ARHGAP32: variants seen among roughly 807,000 people sequenced by gnomAD.
ARHGAP32 encodes Rho GTPase activating protein 32.
In ARHGAP32, 51 loss-of-function variants were observed where a neutral mutation model predicts 186.5. The observed-to-expected ratio is 0.27, with a 90% CI of 0.22 to 0.35. The LOEUF (loss-of-function observed/expected upper bound fraction) is 0.35. ARHGAP32 is among the 10% of genes least tolerant of loss of function. The probability of loss-of-function intolerance (pLI) is 1.00; values close to 1 mark genes in which losing one functional copy is unlikely to be tolerated. For synonymous variants in ARHGAP32, 950 were observed against 964.3 expected (o/e 0.99, Z 0.27); for missense variants, 2,186 against 2,623.5 (o/e 0.83, Z 3.64).
intron 2 of ARHGAP32, among the ~76,000 whole-genome samples, chr11:129,162,711 G>A (rs1385460344): frequency 6.6e-6 from 1 of 152,068 alleles, no homozygotes; most frequent in Non-Finnish European, 1.5e-5. Flanking sequence ...AGTTTTTACT[G>A]CAGACTTGAT....
At chr11:129,206,324 G>A (rs1204662163) in intron 1 of ARHGAP32, among the ~76,000 whole-genome samples, 13 of 152,034 alleles carry the variant, frequency 8.6e-5, no homozygotes, top group Non-Finnish European at 1.6e-4. Flanking sequence ...GGATCCTTCT[G>A]CCTCAGCCTA....
intron 1 of ARHGAP32, among the ~76,000 whole-genome samples, chr11:129,269,753 G>A (rs1945452030): frequency 6.6e-6 from 1 of 152,028 alleles, no homozygotes; most frequent in Non-Finnish European, 1.5e-5. Context: ...TAAGTAAAAG[G>A]AACAGCAAAC....
intron 1 of ARHGAP32, among the ~76,000 whole-genome samples, chr11:129,215,553 T>C (rs2068250122): frequency 6.6e-6 from 1 of 152,152 alleles, no homozygotes; most frequent in Non-Finnish European, 1.5e-5. Flanking sequence ...GGAGAATCTA[T>C]TTCCTTGCCT....
intron 1 of ARHGAP32, among the ~76,000 whole-genome samples, chr11:129,229,855 T>C (rs1944834796): frequency 6.6e-6 from 1 of 152,044 alleles, no homozygotes. Context: ...AGGGTCTCAC[T>C]CACCCAAGCT....
At chr11:129,047,641 A>C (rs1939868615) in intron 10 of ARHGAP32, among the ~76,000 whole-genome samples, 1 of 152,182 alleles carries the variant, frequency 6.6e-6, no homozygotes, top group African/African-American at 2.4e-5. Context: ...CACATCACTA[A>C]GGAGATTTGA....
intron 2 of ARHGAP32, among the ~76,000 whole-genome samples, chr11:129,133,065 C>A (rs1591640768): frequency 1.3e-5 from 2 of 152,144 alleles, no homozygotes; most frequent in South Asian, 2.1e-4. Context: ...AGGAAACTTA[C>A]AATCACAGCG....
chr11:129,210,285 A>C (rs548167214), intron 1 of ARHGAP32, among the ~76,000 whole-genome samples: 13 of 152,352 alleles, frequency 8.5e-5, no homozygotes, highest in Admixed American at 7.8e-4. Flanking sequence ...TTCTGAAGTC[A>C]GCTAGGAAAC....
rs1942623122 is a variant in ARHGAP32 at position 129,124,833 on chromosome 11, G to A, written c.287C>T (p.Thr96Ile). The A allele has an allele frequency of 2.5e-6, 4 of 1,610,720 alleles. No individual in the cohort carries two copies. The East Asian group carries it at 6.7e-5, about 27-fold the overall frequency. ...GDLTLKTCGS[T>I]ASMKVKHVKK... The stretch of plus-strand genomic sequence containing the variant: ...CACATGCTTAACCTTCATACTGGCT[G>A]TACTGCCACACGTCTTAAGAGTAAG... The change falls in exon 3 of 23, where the codon ACA becomes ATA. Residue 96 changes from threonine to isoleucine, a missense_variant. Thr to Ile is a moderately conservative substitution (Grantham distance 89, BLOSUM62 -1). Transcript: ENST00000682385.
chr11:128,974,402 C>T lies in ARHGAP32; in HGVS notation c.2795G>A (p.Arg932Gln), dbSNP rs375669449. The T allele has an allele frequency of 2.5e-6, 4 of 1,614,000 alleles. No individual in the cohort carries two copies. Among genetic ancestry groups the T allele is most frequent in the East Asian group, 2.2e-5 (1 of 44,890 alleles). Reference sequence around the variant, plus strand: ...GACTGTACCAATGACTTCTGACACCCGTGGTGGTAGGGTCACTGAAATTGG... The same window carrying T: ...GACTGTACCAATGACTTCTGACACCTGTGGTGGTAGGGTCACTGAAATTGG... ...SEPISVTLPP[R>Q]VSEVIGTVSN... Residue 932 changes from arginine to glutamine, a missense_variant, in exon 21 of 23, where the codon CGG becomes CAG. Arg to Gln is a conservative substitution (Grantham distance 43). Coordinates refer to ENST00000682385, the MANE Select transcript of ARHGAP32 (RefSeq NM_001378024.1).
intron 11 of ARHGAP32, among the ~76,000 whole-genome samples, chr11:129,003,643 A>C (rs1331621715): frequency 6.6e-6 from 1 of 152,082 alleles, no homozygotes; most frequent in Non-Finnish European, 1.5e-5. Context: ...TTATCCACTT[A>C]TTCTAGATTT....
chr11:129,192,327 C>T, upstream of ARHGAP32: 1 of 679,616 alleles, frequency 1.5e-6, no homozygotes, highest in East Asian at 2.5e-5. Flanking sequence ...GGTACTGGTG[C>T]TGGTTTAATT....
intron 1 of ARHGAP32, among the ~76,000 whole-genome samples, chr11:129,232,679 C>T (rs1289251402): frequency 6.6e-6 from 1 of 152,142 alleles, no homozygotes; most frequent in Non-Finnish European, 1.5e-5. Flanking sequence ...AAATTTCCTT[C>T]CAAGTTCATG....
chr11:129,226,066 A>G (rs1944777331), intron 1 of ARHGAP32, among the ~76,000 whole-genome samples: 1 of 152,176 alleles, frequency 6.6e-6, no homozygotes, highest in African/African-American at 2.4e-5. Flanking sequence ...TAATTCTTCA[A>G]ATATGAAGAT....
chr11:129,247,462 A>C (rs1236729202), intron 1 of ARHGAP32, among the ~76,000 whole-genome samples: 1 of 152,234 alleles, frequency 6.6e-6, no homozygotes, highest in African/African-American at 2.4e-5. Flanking sequence ...AAAGGAGGAG[A>C]AATATACAAC....
intron 21 of ARHGAP32, 88 bp from the exon 22 acceptor site, chr11:128,973,520 T>A: frequency 1.4e-6 from 2 of 1,404,374 alleles, no homozygotes; most frequent in Non-Finnish European, 1.9e-6. Context: ...ATGTGATCAT[T>A]AAAAAATAGG....
chr11:129,038,888 G>GAAAAAAAAAAAAAAAAAAAAAAA (rs56810685), intron 11 of ARHGAP32, among the ~76,000 whole-genome samples: 6 of 92,176 alleles, frequency 6.5e-5, no homozygotes, highest in South Asian at 4.0e-4. Context: ...ACCCTGTCTC[G>GAAAAAAAAAAAAAAAAAAAAAAA]AAAAAAAAAA....
intron 5 of ARHGAP32, among the ~76,000 whole-genome samples, chr11:129,105,158 C>CA (rs1358123359): frequency 6.6e-6 from 1 of 151,956 alleles, no homozygotes; most frequent in African/African-American, 2.4e-5. Flanking sequence ...CTATCTGGAG[C>CA]AAAAAAATTA....
chr11:129,084,775 T>C (rs1210103324), intron 6 of ARHGAP32, among the ~76,000 whole-genome samples: 2 of 152,180 alleles, frequency 1.3e-5, no homozygotes, highest in Non-Finnish European at 2.9e-5. Flanking sequence ...AATCAATTCT[T>C]TTCAAGATAG....
chr11:129,026,199 T>G (rs950478436), intron 11 of ARHGAP32, among the ~76,000 whole-genome samples: 1 of 152,184 alleles, frequency 6.6e-6, no homozygotes, highest in Non-Finnish European at 1.5e-5. Flanking sequence ...TACTATATAG[T>G]TATGTTCCAA....
Sources: gnomAD v4.1 joint callset for allele counts (sites outside exome capture counted in the v4.1 genomes callset) on GRCh38, gnomAD v4.1.1 for gene constraint, MANE v1.5 for transcripts, NCBI Gene and HGNC (gene_info 2026-07-23, HGNC 2026-07-21) for gene names.